The following METTL4 variants were observed in gnomAD, a reference collection of about 807,000 sequenced individuals.
The protein encoded by METTL4 is methyltransferase 4, N6-adenosine.
METTL4 carries 40 observed loss-of-function variants against 54.0 expected under a neutral mutation model. The ratio of observed to expected loss-of-function variants is 0.74; its 90% confidence interval spans 0.58 to 0.96. The LOEUF is 0.96. Among genes scored for constraint, METTL4 ranks in the 50% least tolerant of loss-of-function variants. The pLI is 0.00. For synonymous variants in METTL4, 169 were observed against 183.8 expected (o/e 0.92, Z 0.65); for missense variants, 525 against 549.0 (o/e 0.96, Z 0.44).
chr18:2,546,642 A>C (rs1235424719), intron 6 of METTL4, among the ~76,000 whole-genome samples: 1 of 152,168 alleles, frequency 6.6e-6, no homozygotes, highest in East Asian at 1.9e-4. Context: ...TTATCTTTTC[A>C]AAATTTAGAA....
chr18:2,550,760 G>A (rs2072141917), intron 5 of METTL4, among the ~76,000 whole-genome samples: 1 of 152,222 alleles, frequency 6.6e-6, no homozygotes, highest in African/African-American at 2.4e-5. Flanking sequence ...TACTGAAGAA[G>A]TATGACAACT....
rs537207734 is a variant in METTL4 at position 2,549,353 on chromosome 18, AAAG to A, written c.900-1827_900-1825del. Among the ~76,000 whole-genome samples, 4 of 152,260 alleles carry A rather than the reference AAAG, an allele frequency of 2.6e-5. No homozygotes were observed. In the South Asian group the frequency reaches 8.3e-4, roughly 32 times the overall value. ...AATATGATTATCCTATCTCATTTGA[AAAG>A]AAGATGAGAAAAGGAGGAGAGAGGG... On this transcript the variant is annotated intron_variant, in intron 5 of 8. Coordinates refer to ENST00000574538, the MANE Select transcript of METTL4 (RefSeq NM_022840.5).
chr18:2,557,313 A>T (rs1226502306), intron 3 of METTL4, among the ~76,000 whole-genome samples: 1 of 152,134 alleles, frequency 6.6e-6, no homozygotes. Flanking sequence ...CCAAAAATTT[A>T]AAAAATAAAA....
At chr18:2,560,644 G>A (rs953021276) in intron 3 of METTL4, among the ~76,000 whole-genome samples, 1 of 152,170 alleles carries the variant, frequency 6.6e-6, no homozygotes, top group Admixed American at 6.5e-5. Context: ...TTGGGAGGCC[G>A]AGGCGGGCAG....
rs188932917 is a variant in METTL4, at chr18:2,540,048, T to A, written c.1274-903A>T. On this transcript the variant is annotated intron_variant, in intron 8 of 8. Transcript: ENST00000574538. ...AGATCCTTCTTTACCTAAAATTTCA[T>A]CATGGTACTTCCACAGTTAAGTATT... is the stretch of plus-strand genomic sequence containing the variant. The A allele has an allele frequency of 4.0e-5, 39 of 977,142 alleles. No homozygotes were observed. In the African/African-American group the frequency reaches 6.7e-4, roughly 17 times the overall value. The allele number at this position is 977,142 out of a possible 1,614,324, so 60.5% of individuals were successfully genotyped here.
At chr18:2,559,483 G>A (rs1367776883) in intron 3 of METTL4, among the ~76,000 whole-genome samples, 10 of 152,168 alleles carry the variant, frequency 6.6e-5, no homozygotes, top group Admixed American at 6.5e-4. Flanking sequence ...TGTAGTTTCA[G>A]TTTGGATGTG....
At position 2,558,050 on chromosome 18, in the gene METTL4, A is replaced by G. The variant is rs187273585; in HGVS notation, c.460-3012T>C. On this transcript the variant is annotated intron_variant, in intron 3 of 8. Transcript: ENST00000574538. ...TCTAAAGACACAGAAGTTCTGAAAAACACTATCAACTAACTTTATCTGACA... is the reference window on the plus strand; with the variant it reads ...TCTAAAGACACAGAAGTTCTGAAAAGCACTATCAACTAACTTTATCTGACA... Among the ~76,000 whole-genome samples the G allele has an allele frequency of 1.1e-3, 175 of 152,342 alleles. 1 individual carries two copies. Among genetic ancestry groups the G allele is most frequent in the African/African-American group, 4.1e-3 (170 of 41,578 alleles).
intron 4 of METTL4, chr18:2,554,435 CTA>C (rs2072206441): frequency 2.1e-6 from 1 of 469,118 alleles, no homozygotes; most frequent in African/African-American, 2.0e-5. Context: ...AGAGAAGTAA[CTA>C]TATTTGTTCT....
chr18:2,545,168 T>C (rs1172257561), intron 6 of METTL4, among the ~76,000 whole-genome samples: 1 of 152,160 alleles, frequency 6.6e-6, no homozygotes, highest in Non-Finnish European at 1.5e-5. Flanking sequence ...TATTAGACAC[T>C]GCTTCTATAA....
intron 4 of METTL4, chr18:2,554,410 C>A: frequency 1.9e-5 from 7 of 364,404 alleles, no homozygotes; most frequent in South Asian, 5.4e-5. Flanking sequence ...AACTGCATAC[C>A]GAATTCCTAA....
intron 3 of METTL4, chr18:2,561,918 A>C (rs906295752): frequency 6.6e-6 from 1 of 152,206 alleles, no homozygotes; most frequent in African/African-American, 2.4e-5. Flanking sequence ...TCATTTCCAG[A>C]AAATAAGTGT....
At chr18:2,548,128 C>T (rs1482978910) in intron 5 of METTL4, among the ~76,000 whole-genome samples, 4 of 152,172 alleles carry the variant, frequency 2.6e-5, no homozygotes, top group African/African-American at 7.2e-5. Flanking sequence ...TTTTTGCCTT[C>T]TCAGTCAATT....
At chr18:2,551,852 T>C (rs2072165673) in intron 5 of METTL4, among the ~76,000 whole-genome samples, 1 of 152,130 alleles carries the variant, frequency 6.6e-6, no homozygotes, top group African/African-American at 2.4e-5. Flanking sequence ...TTTTTTCATC[T>C]AGAAAACTGA....
At position 2,567,304 on chromosome 18, in the gene METTL4, A is replaced by C; in HGVS notation, c.-88T>G. On this transcript the variant is annotated 5_prime_UTR_variant, in exon 2 of 9. It adds an upstream start codon to the 5' untranslated region. Coordinates refer to ENST00000574538, the MANE Select transcript of METTL4 (RefSeq NM_022840.5). ...CAGCTTCTTAAATATCTTGTATTTC[A>C]ATAAACATACACTTCATACACACAG... is the stretch of plus-strand genomic sequence containing the variant. 8.1e-7 allele frequency: 1 copy of C among 1,236,358 alleles called. No individual in the cohort carries two copies. Among genetic ancestry groups the C allele is most frequent in the South Asian group, 1.5e-5 (1 of 66,430 alleles). 76.6% of individuals were successfully genotyped at this position (1,236,358 alleles called of 1,614,324 possible).
chr18:2,561,685 C>G (rs551331360), intron 3 of METTL4: 1 of 152,302 alleles, frequency 6.6e-6, no homozygotes, highest in African/African-American at 2.4e-5. Flanking sequence ...AGCAAATATT[C>G]TGTCCTACTA....
At chr18:2,542,815 A>T (rs2072012807) in intron 8 of METTL4, among the ~76,000 whole-genome samples, 1 of 152,166 alleles carries the variant, frequency 6.6e-6, no homozygotes, top group South Asian at 2.1e-4. Flanking sequence ...ATATGTCTCA[A>T]ATGAAGTAAT....
rs558954943 is a variant in METTL4 at position 2,555,293 on chromosome 18, T to G, written c.460-255A>C. The G allele has an allele frequency of 5.0e-4, 218 of 438,736 alleles. 1 individual carries two copies. Among genetic ancestry groups the G allele is most frequent in the African/African-American group, 4.2e-3 (204 of 49,016 alleles). The allele number at this position is 438,736 out of a possible 1,614,324, so 27.2% of individuals were successfully genotyped here. A position where few individuals can be genotyped will look rare whatever the true frequency, so the allele number is the denominator to read the frequency against. ...ATGTAAGAAAATATATCCTCAAACATGTATAAGGTAAATTTGATAATCTGA... is the reference window on the plus strand; with the variant it reads ...ATGTAAGAAAATATATCCTCAAACAGGTATAAGGTAAATTTGATAATCTGA... On this transcript the variant is annotated intron_variant, in intron 3 of 8. Coordinates refer to ENST00000574538, the MANE Select transcript of METTL4 (RefSeq NM_022840.5).
chr18:2,563,499 G>T (rs546858986), intron 3 of METTL4, among the ~76,000 whole-genome samples: 2 of 149,614 alleles, frequency 1.3e-5, no homozygotes, highest in South Asian at 4.2e-4. Flanking sequence ...AGGAGGCCAA[G>T]GCATGAGATT....
In METTL4 at chr18:2,539,081, C is replaced by T. The variant is rs772391590; in HGVS notation, c.1338G>A (p.Gln446=). ...EYLELFARNL[Q]PGWTSWGNEV... is the part of the protein sequence containing the mutation. ...CATTGCCCCAACTAGTCCAACCTGG[C>T]TGTAAATTTCGAGCAAACAACTCCA... The change falls in exon 9 of 9, where the codon CAG becomes CAA. Residue 446 remains glutamine, a synonymous_variant. Coordinates refer to ENST00000574538, the MANE Select transcript of METTL4 (RefSeq NM_022840.5). The T allele has an allele frequency of 8.7e-6, 14 of 1,613,738 alleles. No individual in the cohort carries two copies. Among genetic ancestry groups the T allele is most frequent in the Non-Finnish European group, 9.3e-6 (11 of 1,179,822 alleles).
Sources: allele counts gnomAD v4.1 joint callset (sites outside exome capture counted in the v4.1 genomes callset), GRCh38; gene constraint gnomAD v4.1.1; transcripts MANE v1.5; gene names NCBI Gene and HGNC (gene_info 2026-07-23, HGNC 2026-07-21).